Variants in WBP2NL observed in about 807,000 individuals in gnomAD.
The protein encoded by WBP2NL is WBP2 N-terminal like, also known as postacrosomal sheath WW domain-binding protein.
Under a neutral mutation model 23.3 loss-of-function variants are expected in WBP2NL, and 27 were observed. The ratio of observed to expected loss-of-function variants is 1.16; its 90% confidence interval spans 0.85 to 1.60. The LOEUF is 1.60. Among genes scored for constraint, WBP2NL ranks in the 40% most tolerant of loss-of-function variants. The pLI, the probability that WBP2NL is intolerant of heterozygous loss-of-function variation, is 0.00. For missense variants in WBP2NL, 370 were observed against 389.5 expected, an observed-to-expected ratio of 0.95 and a Z score of 0.42; for synonymous variants, 151 against 145.9, an observed-to-expected ratio of 1.03 and a Z score of -0.25.
Position 41,998,828 on chromosome 22 carries a change from A to G in WBP2NL, c.10A>G (p.Asn4Asp). Reference sequence around the variant, plus strand: ...GGAGGCCCGAAGCAAGATGGCGGTGAATCAGAGCCACACCGAGAACCGCCG... The same window carrying G: ...GGAGGCCCGAAGCAAGATGGCGGTGGATCAGAGCCACACCGAGAACCGCCG... Reference protein sequence around the residue: MAVNQSHTENRRGA... With the variant: MAVDQSHTENRRGA... The change falls in exon 1 of 6, where the codon AAT becomes GAT. Residue 4 changes from asparagine (N) to aspartate (D), a missense_variant. Coordinates refer to ENST00000328823, the MANE Select transcript of WBP2NL (RefSeq NM_152613.3). 6.2e-7 allele frequency: 1 copy of G among 1,610,122 alleles called. No homozygotes were observed. The highest frequency in any genetic ancestry group is 2.2e-5 in the East Asian group (1 of 44,748).
chr22:42,043,990 G>T (rs899303648), intron 8 of WBP2NL, among the ~76,000 whole-genome samples: 1 of 152,182 alleles, frequency 6.6e-6, no homozygotes, highest in Admixed American at 6.5e-5. Flanking sequence ...GCCTCCCAAA[G>T]TTCTGGGATT....
intron 1 of WBP2NL, among the ~76,000 whole-genome samples, chr22:41,999,395 C>T (rs1921338838): frequency 6.6e-6 from 1 of 152,290 alleles, no homozygotes; most frequent in Non-Finnish European, 1.5e-5. Flanking sequence ...AGATCTCAAA[C>T]TGTTGTGGGG....
intron 1 of WBP2NL, among the ~76,000 whole-genome samples, chr22:42,009,733 A>AAC (rs1471739466): frequency 2.2e-4 from 34 of 152,190 alleles, no homozygotes; most frequent in African/African-American, 8.2e-4. Flanking sequence ...ATATACTTTG[A>AAC]AATCAGGAAG....
intron 1 of WBP2NL, among the ~76,000 whole-genome samples, chr22:42,010,683 C>T (rs934653363): frequency 7.2e-5 from 11 of 151,860 alleles, no homozygotes; most frequent in African/African-American, 2.2e-4. Context: ...GGACTACAGG[C>T]GCCCACCACC....
chr22:42,005,691 G>C (rs1349624742), intron 1 of WBP2NL, among the ~76,000 whole-genome samples: 1 of 152,198 alleles, frequency 6.6e-6, no homozygotes, highest in Non-Finnish European at 1.5e-5. Context: ...AATTAAAGTT[G>C]AGCAAACTTT....
At position 42,019,705 on chromosome 22, in the gene WBP2NL, C is replaced by T. The variant is rs998126033; in HGVS notation, c.215C>T (p.Ser72Phe). ...TSCSISDPMLSFMMPFDLMTN... is the reference protein window; with the variant it reads ...TSCSISDPMLFFMMPFDLMTN... ...TGCTCCATCAGTGATCCCATGTTGT[C>T]TTTTATGATGCCATTTGATCTGATG... Residue 72 changes from serine (S) to phenylalanine (F), a missense_variant, in exon 3 of 6, where the codon TCT (serine) becomes TTT (phenylalanine). Coordinates refer to ENST00000328823, the MANE Select transcript of WBP2NL (RefSeq NM_152613.3). The T allele has an allele frequency of 6.2e-7, 1 of 1,614,152 alleles. No homozygotes were observed. Among genetic ancestry groups the T allele is most frequent in the African/African-American group, 1.3e-5 (1 of 75,038 alleles).
intron 1 of WBP2NL, among the ~76,000 whole-genome samples, chr22:42,005,509 A>G (rs1922141907): frequency 6.6e-6 from 1 of 152,022 alleles, no homozygotes; most frequent in Admixed American, 6.6e-5. Context: ...CCTGAGTGAG[A>G]CTCTGTCTCA....
downstream of WBP2NL, among the ~76,000 whole-genome samples, chr22:42,034,187 C>A (rs1925093752): frequency 6.6e-6 from 1 of 152,214 alleles, no homozygotes; most frequent in Middle Eastern, 3.2e-3. Flanking sequence ...AGAAGCTAGG[C>A]AGTAGGAACA....
intron 8 of WBP2NL, among the ~76,000 whole-genome samples, chr22:42,044,735 G>A (rs561776897): frequency 1.9e-4 from 29 of 152,288 alleles, no homozygotes; most frequent in African/African-American, 6.5e-4. Flanking sequence ...AACCCAGGAA[G>A]TCAAGGCTGC....
chr22:42,039,226 C>A (rs1027597057), intron 8 of WBP2NL, among the ~76,000 whole-genome samples: 1 of 151,952 alleles, frequency 6.6e-6, no homozygotes, highest in East Asian at 1.9e-4. Context: ...CGCCCACCAC[C>A]ATGCCTGGCT....
downstream of WBP2NL, among the ~76,000 whole-genome samples, chr22:42,036,276 A>G (rs1009360465): frequency 3.3e-5 from 5 of 151,860 alleles, no homozygotes; most frequent in African/African-American, 9.7e-5. Context: ...CTGGGTTCAC[A>G]CCATTCTCCT....
chr22:42,033,032 C>T (rs903260883), downstream of WBP2NL: 14 of 168,890 alleles, frequency 8.3e-5, no homozygotes, highest in African/African-American at 3.4e-4. Flanking sequence ...GCTCATTCCA[C>T]CCACCCGGCC....
In WBP2NL at chr22:42,026,752, A is replaced by T. The variant is rs749240575; in HGVS notation, c.515-14A>T. 15 of 1,602,906 alleles carry T rather than the reference A, an allele frequency of 9.4e-6. No homozygotes were observed. The Admixed American group carries it at 2.5e-4, about 26-fold the overall frequency. On this transcript the variant is annotated splice_polypyrimidine_tract_variant and intron_variant, in intron 5 of 5. Transcript: ENST00000328823. ...AAGGTAACTGAATTTTTTTCCTTCC[A>T]TTATAATTCCCAGTTATTGTCTATG...
chr22:42,018,098 G>A (rs1181837814), intron 1 of WBP2NL, among the ~76,000 whole-genome samples: 3 of 150,272 alleles, frequency 2.0e-5, no homozygotes, highest in Non-Finnish European at 3.0e-5. Flanking sequence ...GCAGTGAGCC[G>A]AGATCGAGCC....
Position 42,027,692 on chromosome 22 carries a change from T to C in WBP2NL, c.*511T>C, listed in dbSNP as rs954312226. The C allele has an allele frequency of 3.1e-6, 1 of 323,524 alleles. No individual in the cohort carries two copies. The highest frequency in any genetic ancestry group is 5.5e-6 in the Non-Finnish European group (1 of 180,482). 20.0% of individuals were successfully genotyped at this position (323,524 alleles called of 1,614,324 possible). A position where few individuals can be genotyped will look rare whatever the true frequency, so the allele number is the denominator to read the frequency against. ...CTATGTCTAGAGGTAGAGAAAGCCT[T>C]CTTTGAGGAGACCAAAACCAACAAA... On this transcript the variant is annotated 3_prime_UTR_variant, in exon 6 of 6. Transcript: ENST00000328823.
chr22:42,031,674 T>C (rs549187541), downstream of WBP2NL: 2 of 151,890 alleles, frequency 1.3e-5, no homozygotes, highest in East Asian at 3.9e-4. Context: ...CAAAAACATA[T>C]AGTTGGTGTG....
chr22:42,019,073 TAGGC>T (rs1357394445), intron 1 of WBP2NL, among the ~76,000 whole-genome samples: 2 of 151,558 alleles, frequency 1.3e-5, no homozygotes, highest in Non-Finnish European at 2.9e-5. Flanking sequence ...ACAAAAAAAT[TAGGC>T]AGGCATGGTG....
chr22:42,016,031 G>A (rs1045064778), intron 1 of WBP2NL, among the ~76,000 whole-genome samples: 2 of 151,814 alleles, frequency 1.3e-5, no homozygotes, highest in Admixed American at 6.6e-5. Context: ...CCCCAGGCTG[G>A]AGTGCAATGG....
intron 1 of WBP2NL, among the ~76,000 whole-genome samples, chr22:42,004,790 TG>T (rs1242047023): frequency 6.6e-6 from 1 of 151,832 alleles, no homozygotes; most frequent in African/African-American, 2.4e-5. Context: ...CTGGGTGTGG[TG>T]GTGATACCTG....
Sources: gnomAD v4.1 joint callset for allele counts (sites outside exome capture counted in the v4.1 genomes callset) on GRCh38, gnomAD v4.1.1 for gene constraint, MANE v1.5 for transcripts, NCBI Gene and HGNC (gene_info 2026-07-23, HGNC 2026-07-21) for gene names.